The following LYZL1 variants were observed in gnomAD, a reference collection of about 807,000 sequenced individuals.
LYZL1 encodes lysozyme-like protein 1.
A neutral mutation model predicts 17.9 loss-of-function variants in LYZL1; 16 were observed. That is an observed-to-expected ratio of 0.90 (90% CI 0.61 to 1.36). The LOEUF (loss-of-function observed/expected upper bound fraction) is 1.36, where lower values mean the gene tolerates loss of function less well. Among genes scored for constraint, LYZL1 ranks in the 40% most tolerant of loss-of-function variants. LYZL1 has a pLI of 0.00. For synonymous variants in LYZL1, 58 were observed against 71.8 expected (o/e 0.81, Z 0.97); for missense variants, 149 against 188.4 (o/e 0.79, Z 1.22).
rs777330305 is a variant in LYZL1, at chr10:29,310,149, C to T, written c.338C>T (p.Ala113Val). The change falls in exon 4 of 5, where the codon GCC (alanine) becomes GTC (valine). Residue 113 changes from alanine to valine, a missense_variant. Ala to Val is a moderately conservative substitution (Grantham distance 64). Coordinates refer to ENST00000649382, the MANE Select transcript of LYZL1 (RefSeq NM_032517.6). ...GACCTCACAGATGCAATTATCTGTGCCAGGAAAATTGTTAAAGAGACACAA... is the reference window on the plus strand; with the variant it reads ...GACCTCACAGATGCAATTATCTGTGTCAGGAAAATTGTTAAAGAGACACAA... Reference protein sequence around the residue: ...TDDLTDAIICARKIVKETQGM... With the variant: ...TDDLTDAIICVRKIVKETQGM... 4 of 1,612,128 alleles carry T rather than the reference C, an allele frequency of 2.5e-6. No individual in the cohort carries two copies. The highest frequency in any genetic ancestry group is 3.4e-6 in the Non-Finnish European group (4 of 1,178,450).
intron 3 of LYZL1, among the ~76,000 whole-genome samples, chr10:29,296,585 A>C (rs1218297328): frequency 1.3e-5 from 2 of 152,208 alleles, no homozygotes. Flanking sequence ...TGAGACCTCA[A>C]CAATCTTTGA....
downstream of LYZL1, among the ~76,000 whole-genome samples, chr10:29,316,170 T>C (rs1835727404): frequency 6.6e-6 from 1 of 152,150 alleles, no homozygotes; most frequent in South Asian, 2.1e-4. Context: ...TGGAACAAAA[T>C]GGGGCTCCTT....
chr10:29,295,589 T>C (rs930291130), intron 3 of LYZL1, among the ~76,000 whole-genome samples: 3 of 152,218 alleles, frequency 2.0e-5, no homozygotes, highest in African/African-American at 4.8e-5. Context: ...CTCACTCTGT[T>C]ACCTTACAAG....
chr10:29,317,641 C>A (rs1030820292), intron 4 of LYZL1, among the ~76,000 whole-genome samples: 9 of 152,150 alleles, frequency 5.9e-5, no homozygotes, highest in Non-Finnish European at 1.2e-4. Context: ...GTGGTGTGAG[C>A]ACAGACAAGA....
chr10:29,316,707 C>CTTTTTTTTTTTTTTTT (rs201357117), intron 3 of LYZL1, among the ~76,000 whole-genome samples: 3 of 126,390 alleles, frequency 2.4e-5, no homozygotes, highest in African/African-American at 5.7e-5. Flanking sequence ...TTTCCTTTTC[C>CTTTTTTTTTTTTTTTT]TTTTTTTTTT....
intron 2 of LYZL1, 71 bp downstream of exon 2, chr10:29,292,077 C>A (rs1384819903): frequency 6.5e-7 from 1 of 1,538,210 alleles, no homozygotes; most frequent in African/African-American, 1.4e-5. Flanking sequence ...GTCCTGGCCA[C>A]ACTCCCTGCT....
chr10:29,314,808 G>T (rs913044688), downstream of LYZL1, among the ~76,000 whole-genome samples: 2 of 152,064 alleles, frequency 1.3e-5, no homozygotes, highest in African/African-American at 4.8e-5. Context: ...CCATATACAC[G>T]TCCCTGAGAT....
downstream of LYZL1, among the ~76,000 whole-genome samples, chr10:29,311,968 G>A (rs60951132): frequency 0.018 from 2,767 of 151,474 alleles, 48 homozygotes; most frequent in South Asian, 0.079. Context: ...AGAAAGGGAA[G>A]GGGAAGGGGG....
At chr10:29,303,069 C>G (rs368469690) in intron 3 of LYZL1, among the ~76,000 whole-genome samples, 16 of 152,256 alleles carry the variant, frequency 1.1e-4, no homozygotes, top group African/African-American at 2.9e-4. Flanking sequence ...TCCAGCCCCG[C>G]GAGGTCTGTA....
intron 3 of LYZL1, among the ~76,000 whole-genome samples, chr10:29,306,860 G>C (rs1835603853): frequency 6.7e-6 from 1 of 150,164 alleles, no homozygotes; most frequent in African/African-American, 2.5e-5. Flanking sequence ...GAGAGAGAGA[G>C]AGAGAGAAGA....
At chr10:29,302,373 C>G (rs1286814649) in intron 3 of LYZL1, among the ~76,000 whole-genome samples, 1 of 152,152 alleles carries the variant, frequency 6.6e-6, no homozygotes, top group Non-Finnish European at 1.5e-5. Flanking sequence ...CTGAGAGAAA[C>G]TTCAGGGCAG....
intron 3 of LYZL1, among the ~76,000 whole-genome samples, chr10:29,298,845 G>C (rs1325532304): frequency 6.6e-6 from 1 of 152,154 alleles, no homozygotes; most frequent in Admixed American, 6.5e-5. Flanking sequence ...AATTTTCCAT[G>C]AACCAGAGGG....
chr10:29,297,409 T>G (rs1835461013), intron 3 of LYZL1, among the ~76,000 whole-genome samples: 2 of 152,208 alleles, frequency 1.3e-5, no homozygotes, highest in South Asian at 4.1e-4. Context: ...GGTACAGCAG[T>G]CACTCCTTGT....
At chr10:29,293,127 C>CTTT (rs778807136) in intron 3 of LYZL1, among the ~76,000 whole-genome samples, 1,046 of 103,994 alleles carry the variant, frequency 0.01, 47 homozygotes, top group African/African-American at 0.017. Flanking sequence ...CTTTTCTTTT[C>CTTT]TTTTTTCTTT....
chr10:29,300,295 C>T (rs1326226972), intron 3 of LYZL1, among the ~76,000 whole-genome samples: 1 of 151,822 alleles, frequency 6.6e-6, no homozygotes, highest in African/African-American at 2.4e-5. Context: ...TTAGCTATAT[C>T]TCTATTTTGT....
chr10:29,311,049 A>T lies in LYZL1; in HGVS notation c.437A>T (p.Glu146Val), dbSNP rs1247619386. Residue 146 changes from glutamate (E) to valine (V), a missense_variant, in exon 5 of 5, where the codon GAG (glutamate) becomes GTG (valine). Glu to Val is a moderately radical substitution (Grantham distance 121). This residue lies in a region of LYZL1 where 130 missense variants were observed against 132.5 expected (regional missense o/e 0.98). Transcript: ENST00000649382. The stretch of plus-strand genomic sequence containing the variant: ...CTGTCCGAGTGGAAAAAAGGCTGTG[A>T]GGTTTCCTAAACTGGAACTGGACCC... ...RDLSEWKKGC[E>V]VS 1 of 1,614,198 alleles carries T rather than the reference A, an allele frequency of 6.2e-7. No individual in the cohort carries two copies. The highest frequency in any genetic ancestry group is 1.7e-5 in the Admixed American group (1 of 60,024).
chr10:29,311,272 G>A (rs527442265), downstream of LYZL1: 120 of 1,397,016 alleles, frequency 8.6e-5, no homozygotes, highest in African/African-American at 1.3e-3. Flanking sequence ...ATGGTGTTAA[G>A]ACTTGAAAAA....
chr10:29,303,400 G>T (rs1171213864), intron 3 of LYZL1, among the ~76,000 whole-genome samples: 2 of 152,100 alleles, frequency 1.3e-5, no homozygotes, highest in Non-Finnish European at 2.9e-5. Context: ...ATCCTGCATT[G>T]CCAGTTGTCC....
intron 2 of LYZL1, among the ~76,000 whole-genome samples, chr10:29,292,275 G>A (rs1311284851): frequency 6.6e-6 from 1 of 151,096 alleles, no homozygotes; most frequent in Non-Finnish European, 1.5e-5. Context: ...TGTGGGGAGT[G>A]GGGGGACCTG....
Sources: gnomAD v4.1 joint callset for allele counts (sites outside exome capture counted in the v4.1 genomes callset) on GRCh38, gnomAD v4.1.1 for gene constraint, gnomAD v4.1.1 regional missense constraint, MANE v1.5 for transcripts, NCBI Gene and HGNC (gene_info 2026-07-23, HGNC 2026-07-21) for gene names.